The following CBLB variants were observed in gnomAD, a reference collection of about 807,000 sequenced individuals.
CBLB encodes the protein E3 ubiquitin-protein ligase CBL-B.
In CBLB, 31 loss-of-function variants were observed where a neutral mutation model predicts 104.9. The ratio of observed to expected loss-of-function variants is 0.30; its 90% CI spans 0.22 to 0.40. The LOEUF is 0.40. CBLB is among the 10% of genes least tolerant of loss of function. The pLI is 1.00. For missense variants in CBLB, 1,062 were observed against 1,214.6 expected (o/e 0.87, Z 1.87); for synonymous variants, 440 against 422.6 (o/e 1.04, Z -0.51).
chr3:105,657,932 T>TA lies in CBLB; in HGVS notation c.*1037dup, dbSNP rs1443066881. On this transcript the variant is annotated 3_prime_UTR_variant, in exon 19 of 19. Transcript: ENST00000394030. ...ACTGGTTCCCACAGCTCTTAGGAGA[T>TA]AGAGTGTAATCACTTAAATGGGAAA... 9.5e-6 allele frequency: 2 copies of TA among 211,344 alleles called. No homozygotes were observed. Among genetic ancestry groups the TA allele is most frequent in the Non-Finnish European group, 1.9e-5 (2 of 104,338 alleles). 13.1% of individuals were successfully genotyped at this position (211,344 alleles called of 1,614,324 possible). A position where few individuals can be genotyped will look rare whatever the true frequency, so the allele number is the denominator to read the frequency against.
intron 6 of CBLB, among the ~76,000 whole-genome samples, chr3:105,743,256 G>A (rs1205089675): frequency 6.6e-6 from 1 of 151,872 alleles, no homozygotes; most frequent in Non-Finnish European, 1.5e-5. Context: ...CCAGGAGTTC[G>A]AGGCCACCAT....
At position 105,702,099 on chromosome 3, in the gene CBLB, C is replaced by T; in HGVS notation, c.1954G>A (p.Ala652Thr). ...HRRHDLPLEG[A>T]KVFSNGHLGS... ...CTGCTTTGCGTATTTCTTACCTTAG[C>T]TCCTTCTAAAGGCAAATCATGGCGT... Residue 652 changes from alanine (A) to threonine (T), a missense_variant, in exon 12 of 19, where the codon GCT becomes ACT. Transcript: ENST00000394030. The T allele has an allele frequency of 1.2e-6, 2 of 1,614,098 alleles. No individual in the cohort carries two copies. Among genetic ancestry groups the T allele is most frequent in the South Asian group, 1.1e-5 (1 of 91,080 alleles).
chr3:105,662,164 C>CT (rs2063849757), intron 18 of CBLB, among the ~76,000 whole-genome samples: 1 of 152,164 alleles, frequency 6.6e-6, no homozygotes, highest in African/African-American at 2.4e-5. Context: ...ACCGATTACT[C>CT]TTTCTGTCTC....
At chr3:105,666,715 A>T (rs1576159869) in intron 18 of CBLB, among the ~76,000 whole-genome samples, 1 of 152,160 alleles carries the variant, frequency 6.6e-6, no homozygotes, top group African/African-American at 2.4e-5. Context: ...CTATAGAAGG[A>T]CATGATTTAA....
chr3:105,724,419 A>G (rs1372682563), intron 9 of CBLB, among the ~76,000 whole-genome samples: 1 of 152,110 alleles, frequency 6.6e-6, no homozygotes, highest in Non-Finnish European at 1.5e-5. Flanking sequence ...CTGGACTTCT[A>G]CCTTCCCCAA....
intron 3 of CBLB, among the ~76,000 whole-genome samples, chr3:105,853,124 C>T (rs2091170931): frequency 6.6e-6 from 1 of 152,176 alleles, no homozygotes; most frequent in Admixed American, 6.5e-5. Context: ...CAGTAACATA[C>T]TGTATAGATT....
At position 105,702,398 on chromosome 3, in the gene CBLB, C is replaced by G. The variant is rs745998394; in HGVS notation, c.1655G>C (p.Arg552Thr). Reference protein sequence around the residue: ...KPLPAPPPPLRDPPPPPPERP... With the variant: ...KPLPAPPPPLTDPPPPPPERP... The stretch of plus-strand genomic sequence containing the variant: ...TTCAGGTGGCGGTGGAGGAGGATCT[C>G]TTAAGGGAGGAGGTGGTGCTGGGAG... The change falls in exon 12 of 19, where the codon AGA (arginine) becomes ACA (threonine). Residue 552 changes from arginine (R) to threonine (T), a missense_variant. Arg to Thr is a moderately conservative substitution (Grantham distance 71). Transcript: ENST00000394030. 1.4e-6 allele frequency: 2 copies of G among 1,443,104 alleles called. No individual in the cohort carries two copies. The highest frequency in any genetic ancestry group is 9.3e-7 in the Non-Finnish European group (1 of 1,073,190). 89.4% of individuals were successfully genotyped at this position (1,443,104 alleles called of 1,614,324 possible).
chr3:105,826,020 C>T (rs547705142), intron 3 of CBLB, among the ~76,000 whole-genome samples: 47 of 152,190 alleles, frequency 3.1e-4, no homozygotes, highest in Non-Finnish European at 6.2e-4. Context: ...AACTAAGCTC[C>T]TTAACAACAA....
At chr3:105,715,045 A>G (rs1170089858) in intron 10 of CBLB, among the ~76,000 whole-genome samples, 1 of 152,222 alleles carries the variant, frequency 6.6e-6, no homozygotes, top group Non-Finnish European at 1.5e-5. Flanking sequence ...TATTTATTTC[A>G]AATGTAAATG....
Position 105,775,362 on chromosome 3 carries a change from AAAAAAC to A in CBLB, c.566+1028_566+1033del, listed in dbSNP as rs374942957. Among the ~76,000 whole-genome samples the A allele has an allele frequency of 2.4e-3, 361 of 150,246 alleles. 3 individuals carry two copies. Among genetic ancestry groups the A allele is most frequent in the African/African-American group, 7.3e-3 (299 of 41,226 alleles). On this transcript the variant is annotated intron_variant, in intron 4 of 18. Coordinates refer to ENST00000394030, the MANE Select transcript of CBLB (RefSeq NM_170662.5). ...TAGTAAACTATAGTACTTTGTAAAGAAAAAACAAAAACAAAAACAAAAACAAACAAA... is the reference window on the plus strand; with the variant it reads ...TAGTAAACTATAGTACTTTGTAAAGAAAAAACAAAAACAAAAACAAACAAA...
intron 18 of CBLB, among the ~76,000 whole-genome samples, 161 bp downstream of exon 18, chr3:105,670,072 C>T (rs1375561717): frequency 6.6e-6 from 1 of 152,140 alleles, no homozygotes; most frequent in African/African-American, 2.4e-5. Context: ...AGCCATTCCT[C>T]TCACAATGCC....
At chr3:105,853,333 A>C in intron 3 of CBLB, 81 bp downstream of exon 3, 1 of 1,414,464 alleles carries the variant, frequency 7.1e-7, no homozygotes, top group Non-Finnish European at 1.0e-6. Context: ...AAACAATTAC[A>C]TGGTGACGTT....
chr3:105,829,003 A>G (rs1468664268), intron 3 of CBLB, among the ~76,000 whole-genome samples: 1 of 152,066 alleles, frequency 6.6e-6, no homozygotes, highest in Non-Finnish European at 1.5e-5. Context: ...TAACATATAT[A>G]ATTTGCCACA....
chr3:105,787,492 A>T (rs2081161012), intron 3 of CBLB, among the ~76,000 whole-genome samples: 1 of 152,178 alleles, frequency 6.6e-6, no homozygotes, highest in Non-Finnish European at 1.5e-5. Context: ...ATAACATTCT[A>T]TGGGGCTATC....
chr3:105,858,988 T>C (rs1274614032), intron 2 of CBLB, among the ~76,000 whole-genome samples: 2 of 152,196 alleles, frequency 1.3e-5, no homozygotes, highest in Non-Finnish European at 2.9e-5. Context: ...TATTCAACCA[T>C]ATCAAAGCAA....
intron 3 of CBLB, among the ~76,000 whole-genome samples, chr3:105,788,623 G>C (rs2081294436): frequency 6.6e-6 from 1 of 152,128 alleles, no homozygotes; most frequent in African/African-American, 2.4e-5. Context: ...TCAGTCTTCT[G>C]ATCCCTAAAA....
chr3:105,703,866 A>T, intron 11 of CBLB, 122 bp downstream of exon 11: 4 of 833,282 alleles, frequency 4.8e-6, no homozygotes, highest in Non-Finnish European at 2.0e-6. Context: ...TAAACGAGAA[A>T]CTCATCAAAC....
intron 3 of CBLB, among the ~76,000 whole-genome samples, chr3:105,788,079 A>C (rs2081228578): frequency 6.6e-6 from 1 of 152,218 alleles, no homozygotes; most frequent in Non-Finnish European, 1.5e-5. Flanking sequence ...TATTTGTAGT[A>C]GACGCAGGAT....
intron 10 of CBLB, among the ~76,000 whole-genome samples, chr3:105,711,669 A>G (rs1401714285): frequency 6.6e-6 from 1 of 152,126 alleles, no homozygotes; most frequent in Non-Finnish European, 1.5e-5. Context: ...AGAAGTCTCA[A>G]CCTACAATAA....
Sources: gnomAD v4.1 joint callset for allele counts (sites outside exome capture counted in the v4.1 genomes callset) on GRCh38, gnomAD v4.1.1 for gene constraint, MANE v1.5 for transcripts, NCBI Gene and HGNC (gene_info 2026-07-23, HGNC 2026-07-21) for gene names.